The following IQCM variants were observed in gnomAD, a reference collection of about 807,000 sequenced individuals.
IQCM encodes IQ motif containing M, also known as IQ domain-containing protein M.
Under a neutral mutation model 57.6 loss-of-function variants are expected in IQCM, and 45 were observed. That is an observed-to-expected ratio of 0.78 (90% CI 0.62 to 1.00). The LOEUF (loss-of-function observed/expected upper bound fraction) is 1.00. Ranked by LOEUF, IQCM falls within the 50% of genes least tolerant of loss-of-function variation. IQCM has a pLI of 0.00. For missense variants in IQCM, 468 were observed against 511.6 expected (o/e 0.91, Z 0.82); for synonymous variants, 148 against 158.9 (o/e 0.93, Z 0.51).
Position 149,405,557 on chromosome 4 carries a change from A to AT in IQCM, c.1390+27838dup, listed in dbSNP as rs556169724. On this transcript the variant is annotated intron_variant, in intron 13 of 13. Transcript: ENST00000636793. ...CATGTACCCTAGAACTTAAAGTATAATAAAAAAAAAAGAATAAGTAATAGC... is the reference window on the plus strand; with the variant it reads ...CATGTACCCTAGAACTTAAAGTATAATTAAAAAAAAAAGAATAAGTAATAGC... 2.8e-3 allele frequency among the ~76,000 whole-genome samples: 424 copies of AT among 151,442 alleles called. 6 individuals carry two copies. Among genetic ancestry groups the AT allele is most frequent in the African/African-American group, 9.8e-3 (402 of 40,974 alleles).
intron 13 of IQCM, among the ~76,000 whole-genome samples, chr4:149,363,756 A>G (rs966159811): frequency 2.6e-5 from 4 of 152,194 alleles, no homozygotes; most frequent in Non-Finnish European, 2.9e-5. Flanking sequence ...CTGTTTTAAT[A>G]ATCTGCAAAC....
chr4:149,790,012 A>G (rs1268086015), intron 2 of IQCM: 5 of 384,178 alleles, frequency 1.3e-5, no homozygotes, highest in Non-Finnish European at 2.5e-5. Flanking sequence ...TCCAAGACAC[A>G]GATCTGTGTT....
At chr4:149,652,874 T>A (rs1378041084) in intron 7 of IQCM, among the ~76,000 whole-genome samples, 1 of 152,180 alleles carries the variant, frequency 6.6e-6, no homozygotes, top group Admixed American at 6.6e-5. Flanking sequence ...CTGAAGGACA[T>A]ATCTTATCTC....
At chr4:149,474,353 C>T (rs1739939259) in intron 12 of IQCM, among the ~76,000 whole-genome samples, 1 of 151,758 alleles carries the variant, frequency 6.6e-6, no homozygotes, top group African/African-American at 2.4e-5. Context: ...CTGCATGAGC[C>T]CAGGAGTTCA....
chr4:149,718,259 A>G (rs944698919), intron 5 of IQCM, among the ~76,000 whole-genome samples: 6 of 152,222 alleles, frequency 3.9e-5, no homozygotes, highest in African/African-American at 1.4e-4. Context: ...CAAACTCAGA[A>G]GGAAAAAGGT....
Position 149,590,267 on chromosome 4 carries a change from T to C in IQCM, c.682-2270A>G, listed in dbSNP as rs1428517498. ...CTTTCCTTTTTTTTTTTTTTTTTTT[T>C]TTGCTTTCCTTTTTGAAAAGTAAAT... On this transcript the variant is annotated intron_variant, in intron 8 of 13. Coordinates refer to ENST00000636793, the MANE Select transcript of IQCM (RefSeq NM_001363507.2). 2.7e-5 allele frequency among the ~76,000 whole-genome samples: 4 copies of C among 149,244 alleles called. No individual in the cohort carries two copies. The East Asian group carries it at 7.9e-4, about 29-fold the overall frequency.
At chr4:149,690,675 C>G (rs1762879773) in intron 5 of IQCM, 1 of 152,100 alleles carries the variant, frequency 6.6e-6, no homozygotes. Context: ...ATTCTCGGAT[C>G]TTGGAATGAT....
chr4:149,444,753 T>C (rs1270332602), intron 12 of IQCM, among the ~76,000 whole-genome samples: 1 of 151,928 alleles, frequency 6.6e-6, no homozygotes, highest in Non-Finnish European at 1.5e-5. Context: ...TTTTTAGTGG[T>C]ACATAGCAAA....
chr4:149,590,891 G>T (rs912785050), intron 8 of IQCM, among the ~76,000 whole-genome samples: 16 of 151,950 alleles, frequency 1.1e-4, no homozygotes, highest in African/African-American at 3.1e-4. Context: ...TTGCTATTGG[G>T]AACAGTGCTG....
rs566686309 is a variant in IQCM, at chr4:149,407,121, G to A, written c.1390+26275C>T. ...AGACTTCGTGAGACTTACTCACTAC[G>A]ATGAGAACAGTATGGGGGAAACCAC... is the stretch of plus-strand genomic sequence containing the variant. On this transcript the variant is annotated intron_variant, in intron 13 of 13. Coordinates refer to ENST00000636793, the MANE Select transcript of IQCM (RefSeq NM_001363507.2). 2.8e-4 allele frequency among the ~76,000 whole-genome samples: 42 copies of A among 152,196 alleles called. No individual in the cohort carries two copies. In the Middle Eastern group the frequency reaches 0.01, roughly 37 times the overall value.
In IQCM at chr4:149,674,684, T is replaced by A. The variant is rs548321524; in HGVS notation, c.565+7434A>T. On this transcript the variant is annotated intron_variant, in intron 7 of 13. Coordinates refer to ENST00000636793, the MANE Select transcript of IQCM (RefSeq NM_001363507.2). ...ACATACACAGTTCCTGAGTTTGACA[T>A]GTTAGGTTGGAAATGCCTATTAAAA... 2.0e-5 allele frequency among the ~76,000 whole-genome samples: 3 copies of A among 152,180 alleles called. No individual in the cohort carries two copies. The East Asian group carries it at 5.8e-4, about 30-fold the overall frequency.
At chr4:149,664,796 C>A (rs1367872989) in intron 7 of IQCM, among the ~76,000 whole-genome samples, 1 of 152,134 alleles carries the variant, frequency 6.6e-6, no homozygotes, top group Admixed American at 6.5e-5. Flanking sequence ...AGTCAGGTGG[C>A]TGTGGGTTGG....
chr4:149,527,227 G>C (rs368575356), intron 12 of IQCM, among the ~76,000 whole-genome samples: 1 of 152,180 alleles, frequency 6.6e-6, no homozygotes, highest in Non-Finnish European at 1.5e-5. Context: ...AAAGACTAAG[G>C]ATATGAAGTG....
chr4:149,686,595 A>G, intron 5 of IQCM, 127 bp from the exon 6 acceptor site: 1 of 397,590 alleles, frequency 2.5e-6, no homozygotes, highest in Non-Finnish European at 4.4e-6. Flanking sequence ...TGTTACTAAC[A>G]CAGAGATACT....
intron 8 of IQCM, among the ~76,000 whole-genome samples, chr4:149,593,146 G>A (rs1753377244): frequency 6.6e-6 from 1 of 152,078 alleles, no homozygotes; most frequent in African/African-American, 2.4e-5. Context: ...GCAGTGGTTT[G>A]TAGTTCTCCT....
chr4:149,640,702 G>A (rs1485641875), intron 7 of IQCM, among the ~76,000 whole-genome samples: 1 of 151,948 alleles, frequency 6.6e-6, no homozygotes, highest in Non-Finnish European at 1.5e-5. Flanking sequence ...TTTATCCAAC[G>A]TTGTGTTTGT....
intron 5 of IQCM, among the ~76,000 whole-genome samples, chr4:149,722,759 T>C (rs182064271): frequency 7.1e-4 from 108 of 152,126 alleles, no homozygotes; most frequent in African/African-American, 2.2e-3. Flanking sequence ...TTAGGATTGC[T>C]TTGTCTATTT....
At chr4:149,368,867 C>CAT (rs1163825849) in intron 13 of IQCM, among the ~76,000 whole-genome samples, 85 of 49,062 alleles carry the variant, frequency 1.7e-3, no homozygotes, top group Non-Finnish European at 2.4e-3. Context: ...TATATATATA[C>CAT]ATATATACAC....
chr4:149,554,740 C>CA (rs1749390521), intron 10 of IQCM, among the ~76,000 whole-genome samples: 1 of 151,606 alleles, frequency 6.6e-6, no homozygotes, highest in Non-Finnish European at 1.5e-5. Context: ...CGCTCTGTCG[C>CA]CCAGGCTGGA....
Sources: allele counts gnomAD v4.1 joint callset (sites outside exome capture counted in the v4.1 genomes callset), GRCh38; gene constraint gnomAD v4.1.1; transcripts MANE v1.5; gene names NCBI Gene and HGNC (gene_info 2026-07-23, HGNC 2026-07-21).